ITPR2: variants seen among roughly 807,000 people sequenced by gnomAD.
The protein encoded by ITPR2 is inositol 1,4,5-trisphosphate receptor type 2, also known as inositol 1,4,5-trisphosphate-gated calcium channel ITPR2.
Under a neutral mutation model 317.1 loss-of-function variants are expected in ITPR2, and 207 were observed. The ratio of observed to expected loss-of-function variants is 0.65; its 90% CI spans 0.58 to 0.73. The LOEUF (loss-of-function observed/expected upper bound fraction) is 0.73, where lower values mean the gene tolerates loss of function less well. ITPR2 is among the 30% of genes least tolerant of loss of function. ITPR2 has a pLI of 0.00. For missense variants in ITPR2, 2,613 were observed against 3,284.0 expected (o/e 0.80, Z 4.99); for synonymous variants, 1,156 against 1,149.1 (o/e 1.01, Z -0.12).
chr12:26,357,496 C>T (rs1938677474), intron 55 of ITPR2, among the ~76,000 whole-genome samples: 1 of 152,182 alleles, frequency 6.6e-6, no homozygotes. Context: ...GATTTGTATG[C>T]TTTATATAAT....
At chr12:26,480,797 G>A (rs144302237) in intron 43 of ITPR2, among the ~76,000 whole-genome samples, 4,045 of 152,116 alleles carry the variant, frequency 0.027, 179 homozygotes, top group African/African-American at 0.09. Context: ...CCGAGATCGT[G>A]CCACTGCACT....
chr12:26,833,010 C>A lies in ITPR2; in HGVS notation c.-229G>T. On this transcript the variant is annotated 5_prime_UTR_variant, in exon 1 of 57. Coordinates refer to ENST00000381340, the MANE Select transcript of ITPR2 (RefSeq NM_002223.4). ...AGCTGCGGACACCCCGCGAAGAGCG[C>A]AGCCCAGGCGCCCAGAGAAGCCGCA... 2.0e-6 allele frequency: 1 copy of A among 498,424 alleles called. No homozygotes were observed. Among genetic ancestry groups the A allele is most frequent in the Non-Finnish European group, 3.5e-6 (1 of 287,146 alleles). 30.9% of individuals were successfully genotyped at this position (498,424 alleles called of 1,614,324 possible).
chr12:26,421,273 T>G (rs1940882885), intron 49 of ITPR2: 1 of 152,332 alleles, frequency 6.6e-6, no homozygotes, highest in East Asian at 1.9e-4. Flanking sequence ...AGGTTTTGGT[T>G]TTTGTTTCAT....
intron 1 of ITPR2, among the ~76,000 whole-genome samples, chr12:26,825,517 A>G (rs944107914): frequency 1.3e-5 from 2 of 148,464 alleles, no homozygotes; most frequent in African/African-American, 4.9e-5. Flanking sequence ...GAACAGTTAC[A>G]AAAAAAAAAG....
intron 9 of ITPR2, among the ~76,000 whole-genome samples, chr12:26,705,490 A>G (rs977663965): frequency 2.6e-5 from 4 of 151,304 alleles, no homozygotes; most frequent in Non-Finnish European, 5.9e-5. Context: ...ACCTTCAAAC[A>G]CCCTCCCACT....
At chr12:26,694,314 A>G (rs1435585157) in intron 10 of ITPR2, among the ~76,000 whole-genome samples, 1 of 152,194 alleles carries the variant, frequency 6.6e-6, no homozygotes. Context: ...CCCAACTAAT[A>G]CGAGTGACTG....
At chr12:26,673,741 G>C (rs1410278362) in intron 13 of ITPR2, among the ~76,000 whole-genome samples, 1 of 150,430 alleles carries the variant, frequency 6.6e-6, no homozygotes, top group East Asian at 2.0e-4. Flanking sequence ...ATTAGGAAAA[G>C]AGGAAGTCAA....
At chr12:26,715,996 C>G (rs2137031979) in intron 6 of ITPR2, 148 bp downstream of exon 6, 1 of 695,140 alleles carries the variant, frequency 1.4e-6, no homozygotes, top group Middle Eastern at 2.9e-4. Context: ...ATAGCAATAA[C>G]TAATCACAGC....
At chr12:26,510,594 T>C (rs1183738994) in intron 37 of ITPR2, among the ~76,000 whole-genome samples, 1 of 152,242 alleles carries the variant, frequency 6.6e-6, no homozygotes, top group Non-Finnish European at 1.5e-5. Context: ...ACAATCAGCA[T>C]GCACAGAAAT....
chr12:26,588,720 C>CA (rs1174045362), intron 32 of ITPR2, among the ~76,000 whole-genome samples: 4 of 151,962 alleles, frequency 2.6e-5, no homozygotes, highest in African/African-American at 4.8e-5. Context: ...CCAATTATAT[C>CA]AAAAAAATGG....
At chr12:26,620,269 T>A (rs1416045164) in intron 26 of ITPR2, among the ~76,000 whole-genome samples, 2 of 152,254 alleles carry the variant, frequency 1.3e-5, no homozygotes, top group African/African-American at 4.8e-5. Context: ...AAGCCCACGT[T>A]CCAGTATTTT....
In ITPR2 at chr12:26,385,808, C is replaced by G. The variant is rs149546193; in HGVS notation, c.7857+1626G>C. ...TCGGGCATATTGCCACCCCACCCCC[C>G]ATCAATTCCTTTCACCTGCTCTCAT... is the stretch of plus-strand genomic sequence containing the variant. On this transcript the variant is annotated intron_variant, in intron 55 of 56. Transcript: ENST00000381340. Among the ~76,000 whole-genome samples, 29 of 152,148 alleles carry G rather than the reference C, an allele frequency of 1.9e-4. 1 individual carries two copies. Among genetic ancestry groups the G allele is most frequent in the African/African-American group, 6.7e-4 (28 of 41,530 alleles).
At chr12:26,636,673 G>A (rs1161087543) in intron 21 of ITPR2, among the ~76,000 whole-genome samples, 1 of 151,848 alleles carries the variant, frequency 6.6e-6, no homozygotes, top group African/African-American at 2.4e-5. Flanking sequence ...TTTATTAAAA[G>A]GAAAAAATTA....
At chr12:26,453,840 A>T (rs1273405600) in intron 45 of ITPR2, among the ~76,000 whole-genome samples, 1 of 152,232 alleles carries the variant, frequency 6.6e-6, no homozygotes, top group Non-Finnish European at 1.5e-5. Context: ...ATGATAATTC[A>T]GATAATATGC....
At position 26,658,148 on chromosome 12, in the gene ITPR2, T is replaced by A. The variant is rs201428867; in HGVS notation, c.1887-18A>T. ...CCAAAAACCTGGCAAAAGAAAAAAA[T>A]TAAATGGAATATGAAGACAAAGCAT... On this transcript the variant is annotated intron_variant, in intron 16 of 56. Coordinates refer to ENST00000381340, the MANE Select transcript of ITPR2 (RefSeq NM_002223.4). The A allele has an allele frequency of 2.6e-5, 40 of 1,530,648 alleles. No individual in the cohort carries two copies. In the African/African-American group the frequency reaches 4.7e-4, roughly 18 times the overall value. 94.8% of individuals were successfully genotyped at this position (1,530,648 alleles called of 1,614,324 possible).
Position 26,715,745 on chromosome 12 carries a change from T to C in ITPR2, c.708+7A>G, listed in dbSNP as rs1355724393. The C allele has an allele frequency of 1.3e-6, 2 of 1,541,952 alleles. No homozygotes were observed. Among genetic ancestry groups the C allele is most frequent in the Non-Finnish European group, 1.8e-6 (2 of 1,116,084 alleles). On this transcript the variant is annotated splice_region_variant and intron_variant, in intron 7 of 56. Transcript: ENST00000381340. ...CCCAGCAAATGTCCTGTGTAGCACATACTTACTCCTTTTAATACATCCTCT... is the reference window on the plus strand; with the variant it reads ...CCCAGCAAATGTCCTGTGTAGCACACACTTACTCCTTTTAATACATCCTCT...
intron 21 of ITPR2, among the ~76,000 whole-genome samples, chr12:26,634,683 G>A (rs1189813723): frequency 6.6e-6 from 1 of 151,938 alleles, no homozygotes; most frequent in Non-Finnish European, 1.5e-5. Context: ...GCCAGGAGAT[G>A]AGACCAGCCT....
At chr12:26,556,590 GTGTGTT>G (rs1944670720) in intron 35 of ITPR2, among the ~76,000 whole-genome samples, 1 of 149,540 alleles carries the variant, frequency 6.7e-6, no homozygotes, top group African/African-American at 2.5e-5. Flanking sequence ...GTGTGTGTGT[GTGTGTT>G]TTTGTTTATA....
intron 45 of ITPR2, among the ~76,000 whole-genome samples, chr12:26,463,755 T>C (rs1251697747): frequency 3.9e-5 from 6 of 152,094 alleles, no homozygotes. Context: ...GTATACTATA[T>C]CACATTTCAA....
Sources: allele counts gnomAD v4.1 joint callset (sites outside exome capture counted in the v4.1 genomes callset), GRCh38; gene constraint gnomAD v4.1.1; transcripts MANE v1.5; gene names NCBI Gene and HGNC (gene_info 2026-07-23, HGNC 2026-07-21).